NHLRC3: variants seen among roughly 807,000 people sequenced by gnomAD.
The protein encoded by NHLRC3 is NHL repeat-containing protein 3.
A neutral mutation model predicts 32.0 loss-of-function variants in NHLRC3; 23 were observed. The ratio of observed to expected loss-of-function variants is 0.72; its 90% confidence interval spans 0.52 to 1.02. The LOEUF (loss-of-function observed/expected upper bound fraction) is 1.02. NHLRC3 is among the 50% of genes least tolerant of loss of function. The pLI, the probability that NHLRC3 is intolerant of heterozygous loss-of-function variation, is 0.00. For missense variants in NHLRC3, 407 were observed against 406.8 expected, an observed-to-expected ratio of 1.00 and a Z score of -0.01; for synonymous variants, 159 against 147.9, an observed-to-expected ratio of 1.08 and a Z score of -0.55.
At position 39,042,222 on chromosome 13, in the gene NHLRC3, A is replaced by G; in HGVS notation, c.503A>G (p.Glu168Gly). The G allele has an allele frequency of 6.2e-7, 1 of 1,611,558 alleles. No homozygotes were observed. Among genetic ancestry groups the G allele is most frequent in the Admixed American group, 1.7e-5 (1 of 60,022 alleles). ...LNPLQFDNPA[E>G]LYVEDTGDIY... ...CCTTTGCAGTTTGATAACCCAGCAGAATTATATGTAGAGGACACAGGAGAT... is the reference window on the plus strand; with the variant it reads ...CCTTTGCAGTTTGATAACCCAGCAGGATTATATGTAGAGGACACAGGAGAT... The change falls in exon 4 of 7, where the codon GAA (glutamate) becomes GGA (glycine). Residue 168 changes from glutamate (E) to glycine (G), a missense_variant. Glu to Gly is a moderately conservative substitution (Grantham distance 98). Coordinates refer to ENST00000379600, the MANE Select transcript of NHLRC3 (RefSeq NM_001012754.4).
Position 39,039,711 on chromosome 13 carries a change from G to GGTAT in NHLRC3, c.385+5_385+8dup, listed in dbSNP as rs1566032421. The stretch of plus-strand genomic sequence containing the variant: ...CGTCTGGATCACGGATGTAGGAAGT[G>GGTAT]GTATGTATAGTAATATCTATTAAAT... On this transcript the variant is annotated frameshift_variant and splice_region_variant. Coordinates refer to ENST00000379600, the MANE Select transcript of NHLRC3 (RefSeq NM_001012754.4). LOFTEE classifies it high-confidence loss of function. The GGTAT allele has an allele frequency of 6.2e-7, 1 of 1,606,806 alleles. No individual in the cohort carries two copies. Among genetic ancestry groups the GGTAT allele is most frequent in the Admixed American group, 1.7e-5 (1 of 59,858 alleles).
chr13:39,039,528 G>T (rs1172109134), intron 2 of NHLRC3, 36 bp from the exon 3 acceptor site: 1 of 1,563,764 alleles, frequency 6.4e-7, no homozygotes, highest in Non-Finnish European at 8.8e-7. Context: ...TTTCCTTTAA[G>T]CTGATCCTAA....
At position 39,048,112 on chromosome 13, in the gene NHLRC3, A is replaced by C; in HGVS notation, c.*186A>C. On this transcript the variant is annotated 3_prime_UTR_variant, in exon 7 of 7. Coordinates refer to ENST00000379600, the MANE Select transcript of NHLRC3 (RefSeq NM_001012754.4). Reference sequence around the variant, plus strand: ...CTCTTGGGACTTAGTTTTATTTGTAAGTGCATAAGGATATTTTAATGAAAG... The same window carrying C: ...CTCTTGGGACTTAGTTTTATTTGTACGTGCATAAGGATATTTTAATGAAAG... The C allele has an allele frequency of 1.8e-6, 1 of 545,378 alleles. No homozygotes were observed. The highest frequency in any genetic ancestry group is 3.2e-6 in the Non-Finnish European group (1 of 311,216). The allele number at this position is 545,378 out of a possible 1,614,324, so 33.8% of individuals were successfully genotyped here.
chr13:39,044,534 G>C, intron 5 of NHLRC3: 1 of 203,756 alleles, frequency 4.9e-6, no homozygotes, highest in Non-Finnish European at 9.7e-6. Flanking sequence ...CTCTTACTGG[G>C]AAAACTCCAC....
At position 39,047,114 on chromosome 13, in the gene NHLRC3, G is replaced by A. The variant is rs781603956; in HGVS notation, c.753G>A (p.Trp251Ter). Residue 251 changes from tryptophan to a stop codon, truncating the protein, a stop_gained, in exon 6 of 7, where the codon TGG (tryptophan) becomes TGA (stop). Transcript: ENST00000379600. LOFTEE classifies it low-confidence loss of function (END_TRUNC). ...ACACTGGGGAGTGGTTAGGAGCATGGAATAATTGTTTCACAGAAGAGGGAC... is the reference window on the plus strand; with the variant it reads ...ACACTGGGGAGTGGTTAGGAGCATGAAATAATTGTTTCACAGAAGAGGGAC... ...DKDTGEWLGA[W>*]NNCFTEEGPS... The A allele has an allele frequency of 3.1e-6, 5 of 1,610,866 alleles. No individual in the cohort carries two copies. The highest frequency in any genetic ancestry group is 1.1e-5 in the South Asian group (1 of 90,504).
In NHLRC3 at chr13:39,049,190, A is replaced by G. The variant is rs935748893; in HGVS notation, c.*1264A>G. 1 of 152,582 alleles carries G rather than the reference A, an allele frequency of 6.6e-6. No homozygotes were observed. The highest frequency in any genetic ancestry group is 2.4e-5 in the African/African-American group (1 of 41,416). The allele number at this position is 152,582 out of a possible 1,614,324, so 9.5% of individuals were successfully genotyped here. On this transcript the variant is annotated 3_prime_UTR_variant, in exon 7 of 7. Coordinates refer to ENST00000379600, the MANE Select transcript of NHLRC3 (RefSeq NM_001012754.4). Reference sequence around the variant, plus strand: ...AGTGTTTTACTGTAAATTGTGTAGCATATGACAAATCTTGAGCTGACTTTC... The same window carrying G: ...AGTGTTTTACTGTAAATTGTGTAGCGTATGACAAATCTTGAGCTGACTTTC...
At chr13:39,044,724 T>C (rs1871602853) in intron 5 of NHLRC3, among the ~76,000 whole-genome samples, 1 of 152,224 alleles carries the variant, frequency 6.6e-6, no homozygotes, top group Non-Finnish European at 1.5e-5. Flanking sequence ...TCAGTTTCTC[T>C]CTTTTCTACC....
rs368183275 is a variant in NHLRC3 at position 39,038,767 on chromosome 13, C to A, written c.84+44C>A. 1.2e-4 allele frequency: 181 copies of A among 1,522,228 alleles called. 2 individuals carry two copies. The South Asian group carries it at 1.8e-3, about 15-fold the overall frequency. 94.3% of individuals were successfully genotyped at this position (1,522,228 alleles called of 1,614,324 possible). ...AAATGACTGTCGGGTGTGCGGGTAG[C>A]CCTGTTGGGAGGCGTCGCCACGGTC... On this transcript the variant is annotated intron_variant, in intron 1 of 6. Coordinates refer to ENST00000379600, the MANE Select transcript of NHLRC3 (RefSeq NM_001012754.4).
intron 3 of NHLRC3, 92 bp from the exon 4 acceptor site, chr13:39,042,013 C>G: frequency 1.5e-6 from 1 of 687,322 alleles, no homozygotes; most frequent in Non-Finnish European, 2.5e-6. Context: ...TTATTATTTA[C>G]TTCTATCAAA....
rs1305709781 is a variant in NHLRC3, at chr13:39,049,321, C to A, written c.*1395C>A. 6.6e-6 allele frequency: 1 copy of A among 152,330 alleles called. No homozygotes were observed. Among genetic ancestry groups the A allele is most frequent in the Admixed American group, 6.5e-5 (1 of 15,286 alleles). The allele number at this position is 152,330 out of a possible 1,614,324, so 9.4% of individuals were successfully genotyped here. ...GAGGTTAGGAAGGTAAATCTACCAACAGGAAGCCCTGTACTCTGTATTCCA... is the reference window on the plus strand; with the variant it reads ...GAGGTTAGGAAGGTAAATCTACCAAAAGGAAGCCCTGTACTCTGTATTCCA... On this transcript the variant is annotated 3_prime_UTR_variant, in exon 7 of 7. Transcript: ENST00000379600.
chr13:39,039,902 G>C (rs1871389693), intron 3 of NHLRC3, 191 bp downstream of exon 3: 2 of 443,746 alleles, frequency 4.5e-6, no homozygotes, highest in Non-Finnish European at 8.0e-6. Context: ...AGGGCTGGAC[G>C]CCGTGGCTCA....
At chr13:39,046,008 T>A (rs1871657960) in intron 5 of NHLRC3, among the ~76,000 whole-genome samples, 1 of 152,056 alleles carries the variant, frequency 6.6e-6, no homozygotes, top group South Asian at 2.1e-4. Flanking sequence ...CTTTCATACC[T>A]CTCTACAACC....
At chr13:39,038,824 C>A in intron 1 of NHLRC3, 101 bp downstream of exon 1, 1 of 986,964 alleles carries the variant, frequency 1.0e-6, no homozygotes. Context: ...CTGGTTCCCT[C>A]AGTAGCTTGT....
At chr13:39,044,875 C>G (rs1285212873) in intron 5 of NHLRC3, among the ~76,000 whole-genome samples, 5 of 152,206 alleles carry the variant, frequency 3.3e-5, no homozygotes, top group Admixed American at 6.5e-5. Context: ...GCAGCCTGTA[C>G]TTCGTATCAT....
intron 1 of NHLRC3, 49 bp downstream of exon 1, chr13:39,038,772 T>C (rs1427305032): frequency 6.8e-7 from 1 of 1,470,094 alleles, no homozygotes; most frequent in Admixed American, 1.7e-5. Flanking sequence ...GGTAGCCCTG[T>C]TGGGAGGCGT....
chr13:39,049,492 CT>C lies in NHLRC3; in HGVS notation c.*1569del, dbSNP rs771817054. ...GATGTGCAACAGGTACAGACTTGCC[CT>C]TTGAAATCTATACCTCTGGATACAT... is the stretch of plus-strand genomic sequence containing the variant. On this transcript the variant is annotated 3_prime_UTR_variant, in exon 7 of 7. Transcript: ENST00000379600. The C allele has an allele frequency of 5.3e-5, 8 of 152,304 alleles. No individual in the cohort carries two copies. Among genetic ancestry groups the C allele is most frequent in the Non-Finnish European group, 1.0e-4 (7 of 68,020 alleles). 9.4% of individuals were successfully genotyped at this position (152,304 alleles called of 1,614,324 possible). A position where few individuals can be genotyped will look rare whatever the true frequency, so the allele number is the denominator to read the frequency against.
intron 3 of NHLRC3, chr13:39,041,393 G>A (rs1871461197): frequency 6.6e-6 from 1 of 152,072 alleles, no homozygotes; most frequent in African/African-American, 2.4e-5. Flanking sequence ...TATCCAGTTT[G>A]TCTTTTGAAT....
In NHLRC3 at chr13:39,049,576, A is replaced by G. The variant is rs1198737288; in HGVS notation, c.*1650A>G. On this transcript the variant is annotated 3_prime_UTR_variant, in exon 7 of 7. Transcript: ENST00000379600. The stretch of plus-strand genomic sequence containing the variant: ...ATGTGCTATTTATTTGACAATAACT[A>G]TCAGATTTGCCTTAATTTTGTGTTT... 1.3e-5 allele frequency: 2 copies of G among 152,364 alleles called. No individual in the cohort carries two copies. Among genetic ancestry groups the G allele is most frequent in the East Asian group, 3.9e-4 (2 of 5,192 alleles). The allele number at this position is 152,364 out of a possible 1,614,324, so 9.4% of individuals were successfully genotyped here. A position where few individuals can be genotyped will look rare whatever the true frequency, so the allele number is the denominator to read the frequency against.
At chr13:39,041,704 T>C (rs1014195386) in intron 3 of NHLRC3, 1 of 180,986 alleles carries the variant, frequency 5.5e-6, no homozygotes, top group African/African-American at 2.4e-5. Flanking sequence ...TGTGAGTGAT[T>C]GAAATAACAG....
Sources: allele counts gnomAD v4.1 joint callset (sites outside exome capture counted in the v4.1 genomes callset), GRCh38; gene constraint gnomAD v4.1.1; transcripts MANE v1.5; gene names NCBI Gene and HGNC (gene_info 2026-07-23, HGNC 2026-07-21).